Variants in GAL3ST2 observed in about 807,000 individuals in gnomAD.
GAL3ST2 encodes galactose-3-O-sulfotransferase 2, also known as beta-galactose-3-O-sulfotransferase 2.
GAL3ST2 carries 16 observed loss-of-function variants against 12.9 expected under a neutral mutation model. The ratio of observed to expected loss-of-function variants is 1.24; its 90% CI spans 0.84 to 1.88. The LOEUF (loss-of-function observed/expected upper bound fraction) is 1.88. GAL3ST2 is among the 40% of genes most tolerant of loss of function. GAL3ST2 has a pLI of 0.00. For missense variants in GAL3ST2, 639 were observed against 571.8 expected (o/e 1.12, Z -1.20); for synonymous variants, 302 against 273.9 (o/e 1.10, Z -1.01).
At chr2:241,782,146 G>A (rs1490384240) in intron 1 of GAL3ST2, among the ~76,000 whole-genome samples, 1 of 152,072 alleles carries the variant, frequency 6.6e-6, no homozygotes, top group Non-Finnish European at 1.5e-5. Context: ...TGTTAATCTG[G>A]CACAGGCCCA....
chr2:241,800,583 C>T lies in GAL3ST2; in HGVS notation c.120-1198C>T, dbSNP rs908292953. ...TGCACGTCAGAAGGTGGAGCCGGGA[C>T]GGGAAGCACTCGGTGCGCAGCCTCT... On this transcript the variant is annotated intron_variant, in intron 2 of 3. Transcript: ENST00000192314. The surrounding 1 kb of genome is among the most constrained non-coding windows in gnomAD (Gnocchi z 5.2). Among the ~76,000 whole-genome samples, 2 of 152,168 alleles carry T rather than the reference C, an allele frequency of 1.3e-5. No homozygotes were observed. Among genetic ancestry groups the T allele is most frequent in the African/African-American group, 4.8e-5 (2 of 41,424 alleles).
At position 241,803,821 on chromosome 2, in the gene GAL3ST2, G is replaced by A. The variant is rs528860637; in HGVS notation, c.852G>A (p.Glu284=). 1.3e-3 allele frequency: 1,888 copies of A among 1,492,756 alleles called. 26 individuals are homozygous for A. In the African/African-American group the frequency reaches 0.025, roughly 20 times the overall value. 92.5% of individuals were successfully genotyped at this position (1,492,756 alleles called of 1,614,324 possible). A position where few individuals can be genotyped will look rare whatever the true frequency, so the allele number is the denominator to read the frequency against. The change falls in exon 4 of 4, where the codon GAG becomes GAA. Residue 284 remains glutamate, a synonymous_variant. Transcript: ENST00000192314. ...GCGCGCTGGACTGGCGCCTGTACGA[G>A]CATTTCAACCGCACCCTCTGGGCGC... ...SWCALDWRLY[E]HFNRTLWAQL...
At chr2:241,786,137 T>TGTGTGTGTGTGTGTG (rs1553615795) in intron 1 of GAL3ST2, among the ~76,000 whole-genome samples, 2 of 115,082 alleles carry the variant, frequency 1.7e-5, no homozygotes, top group Admixed American at 1.9e-4. Context: ...ACCACACACC[T>TGTGTGTGTGTGTGTG]TTTGTGTGTG....
chr2:241,779,041 G>A (rs559649859), intron 1 of GAL3ST2, among the ~76,000 whole-genome samples: 30 of 151,684 alleles, frequency 2.0e-4, no homozygotes, highest in Non-Finnish European at 3.7e-4. Flanking sequence ...AGTGATCTGG[G>A]GGCTCAAGAT....
Position 241,802,041 on chromosome 2 carries a change from C to A in GAL3ST2, c.375+5C>A. 6.2e-7 allele frequency: 1 copy of A among 1,605,062 alleles called. No individual in the cohort carries two copies. ...CTGAGGTTCAACCTGCCTCAGGTAC[C>A]GCGGGCCTGCTGGGGAGGAGGGCGG... is the stretch of plus-strand genomic sequence containing the variant. On this transcript the variant is annotated splice_donor_5th_base_variant and intron_variant, in intron 3 of 3. Transcript: ENST00000192314. The surrounding 1 kb of genome is among the most constrained non-coding windows in gnomAD (Gnocchi z 4.8).
rs758444606 is a variant in GAL3ST2 at position 241,803,501 on chromosome 2, TACA to T, written c.535_537del (p.Asn179del). The T allele has an allele frequency of 6.2e-6, 10 of 1,611,432 alleles. No homozygotes were observed. Among genetic ancestry groups the T allele is most frequent in the Admixed American group, 1.7e-5 (1 of 59,818 alleles). On this transcript the variant is annotated inframe_deletion, in exon 4 of 4. Coordinates refer to ENST00000192314, the MANE Select transcript of GAL3ST2 (RefSeq NM_022134.3). The stretch of plus-strand genomic sequence containing the variant: ...GTTCCTGGCCTCGCCGCGGACGTTC[TACA>T]ACGACAGCCGCCACCTCAGGAACGT...
chr2:241,794,328 A>G (rs1699744194), intron 1 of GAL3ST2, among the ~76,000 whole-genome samples: 1 of 152,172 alleles, frequency 6.6e-6, no homozygotes, highest in East Asian at 1.9e-4. Context: ...ATGCCCTGGG[A>G]ACTGCTGTCC....
At chr2:241,797,990 C>T (rs998870984) in intron 1 of GAL3ST2, among the ~76,000 whole-genome samples, 3 of 152,196 alleles carry the variant, frequency 2.0e-5, no homozygotes, top group Non-Finnish European at 4.4e-5. Context: ...TGAGACGCTA[C>T]GGCCCACGTG....
Position 241,803,659 on chromosome 2 carries a change from G to A in GAL3ST2, c.690G>A (p.Leu230=), listed in dbSNP as rs1224399541. 1 of 1,549,618 alleles carries A rather than the reference G, an allele frequency of 6.5e-7. No homozygotes were observed. The highest frequency in any genetic ancestry group is 1.2e-5 in the South Asian group (1 of 84,142). ...RFRLVLIAEH[L]DESLVLLRRR... ...GGCTGGTGCTCATCGCCGAGCACCT[G>A]GACGAGTCCCTGGTGCTGCTGCGGC... The change falls in exon 4 of 4, where the codon CTG becomes CTA. Residue 230 remains leucine, a synonymous_variant. Transcript: ENST00000192314.
chr2:241,801,739 ATC>A lies in GAL3ST2; in HGVS notation c.120-40_120-39del. On this transcript the variant is annotated intron_variant, in intron 2 of 3. Coordinates refer to ENST00000192314, the MANE Select transcript of GAL3ST2 (RefSeq NM_022134.3). This position sits in a 1 kb window ranked among gnomAD's most constrained non-coding sequence, Gnocchi z 4.4. ...GTCGCTGTTGGGCGGGGGTTGGGGC[ATC>A]TGCACCCTTGCTGAAGGCTGCGTGT... is the stretch of plus-strand genomic sequence containing the variant. 1 of 1,593,918 alleles carries A rather than the reference ATC, an allele frequency of 6.3e-7. No homozygotes were observed. The highest frequency in any genetic ancestry group is 1.1e-5 in the South Asian group (1 of 88,900).
rs114106326 is a variant in GAL3ST2 at position 241,789,620 on chromosome 2, G to A, written c.30-9445G>A. 6.4e-3 allele frequency among the ~76,000 whole-genome samples: 976 copies of A among 152,310 alleles called. 7 individuals carry two copies. The highest frequency in any genetic ancestry group is 0.01 in the Middle Eastern group (3 of 294). On this transcript the variant is annotated intron_variant, in intron 1 of 3. Transcript: ENST00000192314. ...CTTCTGGCTGGGTGTGGTGGCTCAC[G>A]CCTATAATCCCAGCACTTTGGGAAG... is the stretch of plus-strand genomic sequence containing the variant.
chr2:241,782,556 C>T (rs13409610), intron 1 of GAL3ST2, among the ~76,000 whole-genome samples: 2,999 of 152,142 alleles, frequency 0.02, 108 homozygotes, highest in African/African-American at 0.068. Context: ...GAACTTCTGA[C>T]CTCAGGTGAT....
intron 1 of GAL3ST2, among the ~76,000 whole-genome samples, chr2:241,797,105 C>T (rs1699781115): frequency 6.6e-6 from 1 of 152,246 alleles, no homozygotes; most frequent in South Asian, 2.1e-4. Context: ...GCAATTCTCC[C>T]ACTTCCGCCT....
At chr2:241,783,315 G>A (rs528305667) in intron 1 of GAL3ST2, among the ~76,000 whole-genome samples, 50 of 151,708 alleles carry the variant, frequency 3.3e-4, no homozygotes, top group South Asian at 1.5e-3. Context: ...GGATTTTCTC[G>A]TTTGTCCTGA....
intron 1 of GAL3ST2, among the ~76,000 whole-genome samples, chr2:241,786,088 TC>T (rs1699623780): frequency 6.6e-6 from 1 of 152,100 alleles, no homozygotes; most frequent in Admixed American, 6.5e-5. Context: ...AAAAAATATT[TC>T]CTCTTTTTTT....
At chr2:241,782,776 G>A (rs958843068) in intron 1 of GAL3ST2, among the ~76,000 whole-genome samples, 1 of 152,042 alleles carries the variant, frequency 6.6e-6, no homozygotes, top group Non-Finnish European at 1.5e-5. Context: ...TCAATGTCCT[G>A]TAATTCAGTG....
chr2:241,780,698 A>G (rs891786720), intron 1 of GAL3ST2, among the ~76,000 whole-genome samples: 14 of 152,228 alleles, frequency 9.2e-5, no homozygotes, highest in African/African-American at 2.7e-4. Flanking sequence ...TTGATGGAAC[A>G]TTGATCCATA....
At chr2:241,777,083 A>G in intron 1 of GAL3ST2, 99 bp downstream of exon 1, 1 of 1,083,156 alleles carries the variant, frequency 9.2e-7, no homozygotes. Context: ...TTTCGAAGGA[A>G]GTGACTTGGA....
rs530158744 is a variant in GAL3ST2 at position 241,797,730 on chromosome 2, G to A, written c.30-1335G>A. Among the ~76,000 whole-genome samples the A allele has an allele frequency of 2.6e-5, 4 of 152,318 alleles. No individual in the cohort carries two copies. The South Asian group carries it at 8.3e-4, about 32-fold the overall frequency. ...CAGTTCCACGTCCCGGGAGGGTGAA[G>A]AGTGACGTTGCACTGGGCCTGGGTC... On this transcript the variant is annotated intron_variant, in intron 1 of 3. Coordinates refer to ENST00000192314, the MANE Select transcript of GAL3ST2 (RefSeq NM_022134.3).
Sources: allele counts gnomAD v4.1 joint callset (sites outside exome capture counted in the v4.1 genomes callset), GRCh38; gene constraint gnomAD v4.1.1; non-coding constraint Gnocchi (gnomAD v3.1); transcripts MANE v1.5; gene names NCBI Gene and HGNC (gene_info 2026-07-23, HGNC 2026-07-21).